Variants in GALNTL6 observed in about 807,000 individuals in gnomAD.
GALNTL6 encodes polypeptide N-acetylgalactosaminyltransferase-like 6.
In GALNTL6, 46 loss-of-function variants were observed where a neutral mutation model predicts 73.7. The ratio of observed to expected loss-of-function variants is 0.62; its 90% CI spans 0.49 to 0.80. GALNTL6 has a LOEUF of 0.80. Ranked by LOEUF, GALNTL6 falls within the 30% of genes least tolerant of loss-of-function variation. GALNTL6 has a pLI of 0.00. For synonymous variants in GALNTL6, 259 were observed against 263.7 expected, an observed-to-expected ratio of 0.98 and a Z score of 0.17; for missense variants, 604 against 755.0, an observed-to-expected ratio of 0.80 and a Z score of 2.34.
At chr4:171,827,450 G>T (rs781157231) in intron 2 of GALNTL6, among the ~76,000 whole-genome samples, 2 of 152,064 alleles carry the variant, frequency 1.3e-5, no homozygotes, top group Non-Finnish European at 2.9e-5. Flanking sequence ...AATTTCACAG[G>T]TGTTTGTACA....
chr4:172,940,149 T>C (rs1214036922), intron 9 of GALNTL6, among the ~76,000 whole-genome samples: 1 of 151,758 alleles, frequency 6.6e-6, no homozygotes, highest in African/African-American at 2.4e-5. Flanking sequence ...GACAACGTTA[T>C]TTTCAAACTT....
intron 3 of GALNTL6, among the ~76,000 whole-genome samples, chr4:172,276,885 G>T (rs1738851592): frequency 1.3e-5 from 2 of 152,102 alleles, no homozygotes; most frequent in South Asian, 4.2e-4. Context: ...TTAAAAACAT[G>T]CCATTTTATT....
intron 5 of GALNTL6, among the ~76,000 whole-genome samples, chr4:172,529,964 A>G (rs1735116314): frequency 6.7e-6 from 1 of 149,536 alleles, no homozygotes; most frequent in Non-Finnish European, 1.5e-5. Context: ...CTGGTCTTGA[A>G]CTCCTGACCT....
At chr4:172,477,834 G>A (rs1733294530) in intron 5 of GALNTL6, among the ~76,000 whole-genome samples, 1 of 152,046 alleles carries the variant, frequency 6.6e-6, no homozygotes. Flanking sequence ...AAAAATCAGA[G>A]GTGATTTTTT....
chr4:172,749,674 A>G (rs532960140), intron 5 of GALNTL6, among the ~76,000 whole-genome samples: 162 of 151,964 alleles, frequency 1.1e-3, no homozygotes, highest in African/African-American at 3.8e-3. Flanking sequence ...TAAATCTTCA[A>G]TCATATTATT....
chr4:172,993,828 A>G (rs1247906081), intron 10 of GALNTL6, among the ~76,000 whole-genome samples: 1 of 152,214 alleles, frequency 6.6e-6, no homozygotes, highest in East Asian at 1.9e-4. Flanking sequence ...AGGCTGAGGC[A>G]GAAGAATCAC....
chr4:173,012,714 C>G (rs902271108), intron 11 of GALNTL6, among the ~76,000 whole-genome samples: 2 of 152,236 alleles, frequency 1.3e-5, no homozygotes, highest in African/African-American at 4.8e-5. Flanking sequence ...TTCCTTCTCT[C>G]AAACACTCAC....
chr4:172,204,770 AAG>A (rs370041777), intron 2 of GALNTL6, among the ~76,000 whole-genome samples: 1 of 152,304 alleles, frequency 6.6e-6, no homozygotes, highest in Non-Finnish European at 1.5e-5. Context: ...CTATTTTAAA[AAG>A]TCAATTTGTG....
At chr4:171,924,808 G>A (rs964657948) in intron 2 of GALNTL6, among the ~76,000 whole-genome samples, 1 of 152,158 alleles carries the variant, frequency 6.6e-6, no homozygotes, top group African/African-American at 2.4e-5. Context: ...TCCTGTGGCT[G>A]TTGTATCAAC....
chr4:172,742,767 C>G lies in GALNTL6; in HGVS notation c.554-66594C>G, dbSNP rs558191789. On this transcript the variant is annotated intron_variant, in intron 5 of 12. Transcript: ENST00000506823. ...AATCTGCTGACAGGATTTCCCTTCA[C>G]CACCATTTTTCTAGGACATCATTTT... is the stretch of plus-strand genomic sequence containing the variant. 1.1e-4 allele frequency among the ~76,000 whole-genome samples: 16 copies of G among 152,180 alleles called. No individual in the cohort carries two copies. The East Asian group carries it at 3.1e-3, about 29-fold the overall frequency.
At chr4:172,111,590 A>G (rs1732852399) in intron 2 of GALNTL6, among the ~76,000 whole-genome samples, 1 of 152,060 alleles carries the variant, frequency 6.6e-6, no homozygotes, top group Non-Finnish European at 1.5e-5. Context: ...TTGAGATTTT[A>G]GATTTACATT....
chr4:172,777,566 CA>C (rs1447582244), intron 5 of GALNTL6, among the ~76,000 whole-genome samples: 1 of 152,200 alleles, frequency 6.6e-6, no homozygotes, highest in Non-Finnish European at 1.5e-5. Flanking sequence ...AATGAGAAAA[CA>C]TACTTTGCAT....
At chr4:172,755,754 A>T (rs1737714798) in intron 5 of GALNTL6, among the ~76,000 whole-genome samples, 1 of 152,176 alleles carries the variant, frequency 6.6e-6, no homozygotes, top group African/African-American at 2.4e-5. Context: ...CTTTTATTTA[A>T]ATTAATTTGT....
intron 2 of GALNTL6, among the ~76,000 whole-genome samples, chr4:172,167,949 GA>G (rs1156360772): frequency 7.3e-6 from 1 of 137,642 alleles, no homozygotes; most frequent in African/African-American, 2.9e-5. Context: ...CTGGGCAACA[GA>G]GCGAGACTCC....
At position 172,888,661 on chromosome 4, in the gene GALNTL6, C is replaced by A. The variant is rs369076555; in HGVS notation, c.1041+5754C>A. Among the ~76,000 whole-genome samples, 19 of 152,270 alleles carry A rather than the reference C, an allele frequency of 1.2e-4. No homozygotes were observed. The South Asian group carries it at 3.3e-3, about 27-fold the overall frequency. On this transcript the variant is annotated intron_variant, in intron 8 of 12. Coordinates refer to ENST00000506823, the MANE Select transcript of GALNTL6 (RefSeq NM_001034845.3). The stretch of plus-strand genomic sequence containing the variant: ...ACCCTCCTGTTTTGATTACTGTAGT[C>A]TTGTAGTACAGTTTGAATTTAGGTA...
intron 5 of GALNTL6, among the ~76,000 whole-genome samples, chr4:172,735,770 C>A (rs1031580498): frequency 1.3e-5 from 2 of 152,098 alleles, no homozygotes; most frequent in South Asian, 4.1e-4. Context: ...ATCAGGGGTA[C>A]CAGCCCCAAT....
intron 3 of GALNTL6, among the ~76,000 whole-genome samples, chr4:172,275,765 TGGC>T (rs1191273004): frequency 4.6e-5 from 7 of 152,168 alleles, no homozygotes; most frequent in Non-Finnish European, 1.0e-4. Flanking sequence ...GACACCAGCC[TGGC>T]CAACATGGTG....
chr4:172,975,347 G>A (rs1443988250), intron 10 of GALNTL6, among the ~76,000 whole-genome samples: 1 of 152,196 alleles, frequency 6.6e-6, no homozygotes, highest in Non-Finnish European at 1.5e-5. Flanking sequence ...CCATCAAGTT[G>A]AGGAGACCAG....
chr4:171,941,202 T>C (rs1738532525), intron 2 of GALNTL6, among the ~76,000 whole-genome samples: 2 of 152,240 alleles, frequency 1.3e-5, no homozygotes, highest in South Asian at 2.1e-4. Flanking sequence ...GCAAGCTCTC[T>C]GTATTGTGAG....
Sources: allele counts gnomAD v4.1 joint callset (sites outside exome capture counted in the v4.1 genomes callset), GRCh38; gene constraint gnomAD v4.1.1; transcripts MANE v1.5; gene names NCBI Gene and HGNC (gene_info 2026-07-23, HGNC 2026-07-21).